STXBP5: variants seen among roughly 807,000 people sequenced by gnomAD.
The protein encoded by STXBP5 is syntaxin-binding protein 5.
STXBP5 carries 50 observed loss-of-function variants against 152.4 expected under a neutral mutation model. That is an observed-to-expected ratio of 0.33 (90% confidence interval 0.26 to 0.42). STXBP5 has a LOEUF of 0.42. STXBP5 is among the 10% of genes least tolerant of loss of function. The pLI, the probability that STXBP5 is intolerant of heterozygous loss-of-function variation, is 1.00. For synonymous variants in STXBP5, 492 were observed against 494.7 expected, an observed-to-expected ratio of 0.99 and a Z score of 0.07; for missense variants, 1,167 against 1,388.6, an observed-to-expected ratio of 0.84 and a Z score of 2.54.
At chr6:147,352,701 C>G (rs181893479) in intron 21 of STXBP5, among the ~76,000 whole-genome samples, 52 of 152,272 alleles carry the variant, frequency 3.4e-4, no homozygotes, top group African/African-American at 1.2e-3. Context: ...TCTTAGGCCT[C>G]TATTCTCTTT....
At chr6:147,223,134 C>A (rs1196948543) in intron 2 of STXBP5, among the ~76,000 whole-genome samples, 1 of 152,206 alleles carries the variant, frequency 6.6e-6, no homozygotes, top group Admixed American at 6.5e-5. Flanking sequence ...TCCTTACACA[C>A]TACACTGGAA....
At chr6:147,371,403 T>TG (rs1210935053) in intron 25 of STXBP5, among the ~76,000 whole-genome samples, 2 of 152,172 alleles carry the variant, frequency 1.3e-5, no homozygotes, top group Non-Finnish European at 2.9e-5. Context: ...ATAAATGACT[T>TG]GTGTATTTTC....
chr6:147,276,298 G>A (rs1780440482), intron 7 of STXBP5, among the ~76,000 whole-genome samples: 2 of 151,934 alleles, frequency 1.3e-5, no homozygotes, highest in South Asian at 2.1e-4. Context: ...GTCCATATTT[G>A]GTTATTTCTT....
chr6:147,359,001 T>G, intron 22 of STXBP5, 83 bp from the exon 23 acceptor site: 1 of 1,495,194 alleles, frequency 6.7e-7, no homozygotes, highest in South Asian at 1.3e-5. Context: ...AGATTAACTA[T>G]TTGACCAAAT....
chr6:147,334,896 A>G (rs1330576787), intron 19 of STXBP5, among the ~76,000 whole-genome samples: 1 of 152,136 alleles, frequency 6.6e-6, no homozygotes, highest in Non-Finnish European at 1.5e-5. Context: ...AGCATAAGTA[A>G]CACTGTTGTT....
chr6:147,309,209 A>G (rs1020825115), intron 9 of STXBP5, among the ~76,000 whole-genome samples: 1 of 152,140 alleles, frequency 6.6e-6, no homozygotes, highest in Non-Finnish European at 1.5e-5. Flanking sequence ...AATAATGGGT[A>G]AGGAGGAAGA....
intron 2 of STXBP5, among the ~76,000 whole-genome samples, chr6:147,222,691 T>G (rs1777519509): frequency 6.6e-6 from 1 of 152,244 alleles, no homozygotes; most frequent in African/African-American, 2.4e-5. Flanking sequence ...AAGAACAGAA[T>G]ATGCTCTTGC....
At chr6:147,383,429 C>T (rs1034930337) in intron 27 of STXBP5, among the ~76,000 whole-genome samples, 1 of 151,998 alleles carries the variant, frequency 6.6e-6, no homozygotes, top group Non-Finnish European at 1.5e-5. Context: ...AATACTAAGT[C>T]CGCGTTGTGG....
At chr6:147,292,645 GA>G (rs541875156) in intron 9 of STXBP5, 5,401 of 147,478 alleles carry the variant, frequency 0.037, 148 homozygotes, top group Admixed American at 0.056. Context: ...AAGAAAATCT[GA>G]AAAAAAAAAT....
Position 147,222,870 on chromosome 6 carries a change from A to G in STXBP5, c.249-12380A>G, listed in dbSNP as rs145944146. Among the ~76,000 whole-genome samples, 862 of 152,262 alleles carry G rather than the reference A, an allele frequency of 5.7e-3. 5 individuals are homozygous for G. The highest frequency in any genetic ancestry group is 0.019 in the African/African-American group (805 of 41,560). On this transcript the variant is annotated intron_variant, in intron 2 of 27. Transcript: ENST00000321680. ...GAGTTTTTGACTTTCTGACTTGCCT[A>G]TTTTGAGCCTCCGGCTATTCCTCAG...
At chr6:147,357,668 T>C (rs1784874174) in intron 22 of STXBP5, among the ~76,000 whole-genome samples, 1 of 151,976 alleles carries the variant, frequency 6.6e-6, no homozygotes, top group Non-Finnish European at 1.5e-5. Context: ...AGATTACCAA[T>C]GGAAGGAAGG....
chr6:147,212,841 A>G (rs1776927517), intron 2 of STXBP5, among the ~76,000 whole-genome samples: 1 of 152,182 alleles, frequency 6.6e-6, no homozygotes, highest in Non-Finnish European at 1.5e-5. Context: ...CACATTGAAT[A>G]CTAAGATGGT....
chr6:147,247,468 A>T (rs569770911), intron 4 of STXBP5, among the ~76,000 whole-genome samples: 3 of 152,222 alleles, frequency 2.0e-5, no homozygotes, highest in African/African-American at 7.2e-5. Flanking sequence ...AATTGTAGGT[A>T]TAGAGTATCA....
At chr6:147,372,406 CCTTTTTTTTTTTTTTTTTTTTTTT>C (rs1785591547) in intron 25 of STXBP5, among the ~76,000 whole-genome samples, 1,375 of 39,068 alleles carry the variant, frequency 0.035, 268 homozygotes, top group East Asian at 0.15. Context: ...CCGTCCTTTT[CCTTTTTTTTTTTTTTTTTTTTTTT>C]TTTTTTTTTT....
chr6:147,216,306 C>T (rs1465278913), intron 2 of STXBP5, among the ~76,000 whole-genome samples: 3 of 152,120 alleles, frequency 2.0e-5, no homozygotes, highest in Non-Finnish European at 4.4e-5. Flanking sequence ...GCAGGAGAAT[C>T]ACTTGAACTT....
At chr6:147,291,223 G>C in intron 9 of STXBP5, 51 bp downstream of exon 9, 1 of 1,403,534 alleles carries the variant, frequency 7.1e-7, no homozygotes. Context: ...TCCTCAAATA[G>C]CATGGAAGGC....
At chr6:147,208,342 T>A (rs1776677144) in intron 2 of STXBP5, among the ~76,000 whole-genome samples, 1 of 152,168 alleles carries the variant, frequency 6.6e-6, no homozygotes, top group South Asian at 2.1e-4. Flanking sequence ...TGGTTCTGAT[T>A]TATAGAAAAT....
At chr6:147,209,971 G>C (rs1776765146) in intron 2 of STXBP5, among the ~76,000 whole-genome samples, 1 of 152,200 alleles carries the variant, frequency 6.6e-6, no homozygotes, top group Admixed American at 6.5e-5. Context: ...GTATCTGCAT[G>C]ATATTCAGTT....
At chr6:147,368,270 AT>A (rs1019367180) in intron 25 of STXBP5, among the ~76,000 whole-genome samples, 22 of 141,016 alleles carry the variant, frequency 1.6e-4, no homozygotes, top group Non-Finnish European at 2.5e-4. Flanking sequence ...AAAAAAAAAA[AT>A]TTTTGCAAAT....
Sources: gnomAD v4.1 joint callset for allele counts (sites outside exome capture counted in the v4.1 genomes callset) on GRCh38, gnomAD v4.1.1 for gene constraint, MANE v1.5 for transcripts, NCBI Gene and HGNC (gene_info 2026-07-23, HGNC 2026-07-21) for gene names.